LMBRD1: variants seen among roughly 807,000 people sequenced by gnomAD.
LMBRD1 encodes the protein LMBR1 domain containing 1.
Under a neutral mutation model 74.8 loss-of-function variants are expected in LMBRD1, and 64 were observed. The ratio of observed to expected loss-of-function variants is 0.86; its 90% confidence interval spans 0.70 to 1.05. LMBRD1 has a LOEUF of 1.05. Ranked by LOEUF, LMBRD1 falls within the 50% of genes least tolerant of loss-of-function variation. LMBRD1 has a pLI of 0.00. For missense variants in LMBRD1, 652 were observed against 645.9 expected (o/e 1.01, Z -0.10); for synonymous variants, 204 against 216.3 (o/e 0.94, Z 0.50).
At chr6:69,699,855 A>C (rs1026951788) in intron 12 of LMBRD1, among the ~76,000 whole-genome samples, 1 of 151,880 alleles carries the variant, frequency 6.6e-6, no homozygotes, top group African/African-American at 2.4e-5. Context: ...ATGGGATGAC[A>C]ATAAGATCAT....
intron 6 of LMBRD1, among the ~76,000 whole-genome samples, chr6:69,740,667 T>C: frequency 6.6e-6 from 1 of 152,172 alleles, no homozygotes; most frequent in Middle Eastern, 3.2e-3. Flanking sequence ...AATCATCGTT[T>C]AGTATTGTAC....
rs74657755 is a variant in LMBRD1, at chr6:69,674,354, T to A, written c.*1804A>T. 6.6e-6 allele frequency among the ~76,000 whole-genome samples: 1 copy of A among 152,104 alleles called. No homozygotes were observed. The highest frequency in any genetic ancestry group is 6.6e-5 in the Admixed American group (1 of 15,266). On this transcript the variant is annotated 3_prime_UTR_variant, in exon 16 of 16. Coordinates refer to ENST00000649934, the MANE Select transcript of LMBRD1 (RefSeq NM_018368.4). ...TTGTAAGGGGACACAATTCAGCCTA[T>A]AACATAGAAAGTGGAGAAGAAGGGA...
chr6:69,790,355 G>A lies in LMBRD1; in HGVS notation c.187C>T (p.Leu63Phe), dbSNP rs775365046. 5 of 1,613,416 alleles carry A rather than the reference G, an allele frequency of 3.1e-6. No individual in the cohort carries two copies. The highest frequency in any genetic ancestry group is 3.4e-6 in the Non-Finnish European group (4 of 1,179,532). Residue 63 changes from leucine to phenylalanine, a missense_variant, in exon 2 of 16, where the codon CTT (leucine) becomes TTT (phenylalanine). Around this residue, in one of 3 missense-constraint regions of LMBRD1, gnomAD observed 598 missense variants for 581.8 expected, o/e 1.03. Transcript: ENST00000649934. ...SLAIALITSA[L>F]LPVDIFLVSY... is the part of the protein sequence containing the mutation. Reference sequence around the variant, plus strand: ...ACCAAAAATATATCCACTGGTAGAAGTGCTGATGTGATAAGTGCAATTGCT... The same window carrying A: ...ACCAAAAATATATCCACTGGTAGAAATGCTGATGTGATAAGTGCAATTGCT...
intron 7 of LMBRD1, among the ~76,000 whole-genome samples, chr6:69,730,732 G>C (rs937528710): frequency 4.6e-5 from 7 of 152,090 alleles, no homozygotes; most frequent in Admixed American, 3.3e-4. Flanking sequence ...AGGAGAAAGA[G>C]AATGAAGATG....
rs755091475 is a variant in LMBRD1, at chr6:69,752,369, A to C, written c.308-13T>G. 1.3e-6 allele frequency: 2 copies of C among 1,592,340 alleles called. No individual in the cohort carries two copies. The highest frequency in any genetic ancestry group is 1.7e-6 in the Non-Finnish European group (2 of 1,161,236). On this transcript the variant is annotated splice_polypyrimidine_tract_variant and intron_variant, in intron 3 of 15. Coordinates refer to ENST00000649934, the MANE Select transcript of LMBRD1 (RefSeq NM_018368.4). The stretch of plus-strand genomic sequence containing the variant: ...ACAGAATATAAAGCTGTGGAAATAA[A>C]TAATAAACCGAGCTTTACTAAATAC...
rs1765509066 is a variant in LMBRD1, at chr6:69,674,573, G to T, written c.*1585C>A. Among the ~76,000 whole-genome samples the T allele has an allele frequency of 6.6e-6, 1 of 152,188 alleles. No homozygotes were observed. Among genetic ancestry groups the T allele is most frequent in the South Asian group, 2.1e-4 (1 of 4,828 alleles). ...AAGTGAATACTTCAATTTTCAAAATGTTACAGTTGAAGCAGTAATTTCTAG... is the reference window on the plus strand; with the variant it reads ...AAGTGAATACTTCAATTTTCAAAATTTTACAGTTGAAGCAGTAATTTCTAG... On this transcript the variant is annotated 3_prime_UTR_variant, in exon 16 of 16. Transcript: ENST00000649934.
At chr6:69,736,541 A>T (rs771952764) in intron 7 of LMBRD1, among the ~76,000 whole-genome samples, 4 of 152,190 alleles carry the variant, frequency 2.6e-5, no homozygotes, top group Non-Finnish European at 5.9e-5. Flanking sequence ...CAAGTAGGGT[A>T]AATATCCTAG....
In LMBRD1 at chr6:69,730,393, GTTA is replaced by G. The variant is rs1403535760; in HGVS notation, c.636+7546_636+7548del. Among the ~76,000 whole-genome samples, 4 of 152,094 alleles carry G rather than the reference GTTA, an allele frequency of 2.6e-5. No homozygotes were observed. The East Asian group carries it at 5.8e-4, about 22-fold the overall frequency. On this transcript the variant is annotated intron_variant, in intron 7 of 15. Coordinates refer to ENST00000649934, the MANE Select transcript of LMBRD1 (RefSeq NM_018368.4). ...AAATCTATTATTCAAAGATGTACATGTTATTATGATTAATGAAACAACACAGGT... is the reference window on the plus strand; with the variant it reads ...AAATCTATTATTCAAAGATGTACATGTTATGATTAATGAAACAACACAGGT...
chr6:69,737,103 A>G (rs1362226784), intron 7 of LMBRD1, among the ~76,000 whole-genome samples: 1 of 152,150 alleles, frequency 6.6e-6, no homozygotes, highest in African/African-American at 2.4e-5. Flanking sequence ...GATAATAGCC[A>G]TTTCCTTTAT....
intron 11 of LMBRD1, 142 bp from the exon 12 acceptor site, chr6:69,701,011 T>TA (rs969411293): frequency 6.9e-4 from 391 of 566,310 alleles, no homozygotes; most frequent in Middle Eastern, 1.1e-3. Flanking sequence ...CTACTGTGCT[T>TA]AAAAAAAAAT....
At chr6:69,684,963 T>G (rs1765732843) in intron 14 of LMBRD1, among the ~76,000 whole-genome samples, 1 of 152,134 alleles carries the variant, frequency 6.6e-6, no homozygotes, top group Admixed American at 6.5e-5. Context: ...TGTGGTTCAA[T>G]TCTACAAATG....
chr6:69,790,693 A>G (rs1766062344), intron 1 of LMBRD1: 1 of 537,150 alleles, frequency 1.9e-6, no homozygotes, highest in South Asian at 2.0e-5. Context: ...ACACAATACT[A>G]TTAATAACAG....
At chr6:69,778,520 C>G (rs549607447) in intron 3 of LMBRD1, among the ~76,000 whole-genome samples, 1 of 152,326 alleles carries the variant, frequency 6.6e-6, no homozygotes, top group African/African-American at 2.4e-5. Flanking sequence ...CCAATGGCCT[C>G]TAGGTTCAAC....
In LMBRD1 at chr6:69,674,767, G is replaced by A. The variant is rs538554175; in HGVS notation, c.*1391C>T. ...CTGTGGGTGGATCATGAGGTCAGGA[G>A]TTCAAGACCAGCCTGGCCAAGATGG... On this transcript the variant is annotated 3_prime_UTR_variant, in exon 16 of 16. Transcript: ENST00000649934. Among the ~76,000 whole-genome samples, 11 of 152,250 alleles carry A rather than the reference G, an allele frequency of 7.2e-5. No homozygotes were observed. The South Asian group carries it at 2.1e-3, about 29-fold the overall frequency.
At chr6:69,684,990 A>G (rs1334614422) in intron 14 of LMBRD1, among the ~76,000 whole-genome samples, 1 of 152,200 alleles carries the variant, frequency 6.6e-6, no homozygotes, top group African/African-American at 2.4e-5. Context: ...GGAGACAAAG[A>G]TATATTTTCT....
At chr6:69,769,172 A>ATGGC (rs1765528529) in intron 3 of LMBRD1, among the ~76,000 whole-genome samples, 2 of 151,910 alleles carry the variant, frequency 1.3e-5, no homozygotes, top group Admixed American at 1.3e-4. Flanking sequence ...TGACCCACAG[A>ATGGC]TCTCTGTGGC....
intron 1 of LMBRD1, 55 bp from the exon 2 acceptor site, chr6:69,790,527 T>C: frequency 1.3e-6 from 2 of 1,548,766 alleles, no homozygotes; most frequent in Non-Finnish European, 1.8e-6. Context: ...TTCTCTGATT[T>C]TTGTATGTGT....
intron 3 of LMBRD1, among the ~76,000 whole-genome samples, chr6:69,766,376 G>A (rs1334558687): frequency 6.6e-6 from 1 of 151,778 alleles, no homozygotes; most frequent in African/African-American, 2.4e-5. Flanking sequence ...ATCAATGATC[G>A]ATACTGGAAT....
chr6:69,706,258 C>T (rs1239225954), intron 9 of LMBRD1: 12 of 274,396 alleles, frequency 4.4e-5, no homozygotes, highest in Non-Finnish European at 7.8e-5. Flanking sequence ...ACATCAGGGA[C>T]TGATCTCTAT....
Sources: gnomAD v4.1 joint callset for allele counts (sites outside exome capture counted in the v4.1 genomes callset) on GRCh38, gnomAD v4.1.1 for gene constraint, gnomAD v4.1.1 regional missense constraint, MANE v1.5 for transcripts, NCBI Gene and HGNC (gene_info 2026-07-23, HGNC 2026-07-21) for gene names.